PRICKLE2: variants seen among roughly 807,000 people sequenced by gnomAD.
PRICKLE2 encodes the protein prickle-like protein 2.
In PRICKLE2, 21 loss-of-function variants were observed where a neutral mutation model predicts 81.4. The observed-to-expected ratio is 0.26, with a 90% CI of 0.18 to 0.37. The LOEUF is 0.37. PRICKLE2 is among the 10% of genes least tolerant of loss of function. The pLI is 1.00. For synonymous variants in PRICKLE2, 456 were observed against 421.5 expected (o/e 1.08, Z -1.00); for missense variants, 940 against 1,109.0 (o/e 0.85, Z 2.16).
chr3:64,175,338 C>T (rs566919955), intron 2 of PRICKLE2, among the ~76,000 whole-genome samples: 487 of 152,172 alleles, frequency 3.2e-3, no homozygotes, highest in Non-Finnish European at 5.6e-3. Context: ...TGGTTAGTTG[C>T]TAGTGTAAGG....
intron 7 of PRICKLE2, among the ~76,000 whole-genome samples, chr3:64,112,673 A>G (rs2076868792): frequency 6.6e-6 from 1 of 152,254 alleles, no homozygotes; most frequent in African/African-American, 2.4e-5. Context: ...ACCTAATTAA[A>G]CTAAAGAGCT....
chr3:64,187,017 T>C (rs2078246318), intron 2 of PRICKLE2, among the ~76,000 whole-genome samples: 1 of 152,174 alleles, frequency 6.6e-6, no homozygotes, highest in African/African-American at 2.4e-5. Flanking sequence ...GATACCTGTC[T>C]TGAAAGCTAG....
In PRICKLE2 at chr3:64,147,326, GAGGCTGGGT is replaced by G; in HGVS notation, c.1155_1163del (p.Pro386_Leu388del). ...GGCTCCTCCAGATGGGGTCCCGGTT[GAGGCTGGGT>G]GTCTGGCTGGACAGGCTGAGCATGT... On this transcript the variant is annotated inframe_deletion, in exon 7 of 8. Coordinates refer to ENST00000638394, the MANE Select transcript of PRICKLE2 (RefSeq NM_198859.4). The surrounding 1 kb of genome is among the most constrained non-coding windows in gnomAD (Gnocchi z 5.0). The G allele has an allele frequency of 6.2e-7, 1 of 1,614,104 alleles. No homozygotes were observed.
Position 64,099,131 on chromosome 3 carries a change from G to A in PRICKLE2, c.2455C>T (p.Pro819Ser), listed in dbSNP as rs972442832. ...LLHKYSSYGLPKSSTLGGRGQ... is the reference protein window; with the variant it reads ...LLHKYSSYGLSKSSTLGGRGQ... The stretch of plus-strand genomic sequence containing the variant: ...CTGCCACCTAATGTGGAAGATTTGG[G>A]GAGGCCGTAGGAGCTGTATTTGTGC... Residue 819 changes from proline (P) to serine (S), a missense_variant, in exon 8 of 8, where the codon CCC (proline) becomes TCC (serine). Physicochemically the swap from Pro to Ser is moderately conservative, Grantham distance 74 (BLOSUM62 -1). This residue lies in a region of PRICKLE2 where 670 missense variants were observed against 717.2 expected (regional missense o/e 0.93). Transcript: ENST00000638394. The surrounding 1 kb of genome is among the most constrained non-coding windows in gnomAD (Gnocchi z 4.3). 2 of 1,614,188 alleles carry A rather than the reference G, an allele frequency of 1.2e-6. No homozygotes were observed.
Position 64,095,349 on chromosome 3 carries a change from T to C in PRICKLE2, c.*3702A>G, listed in dbSNP as rs929071338. On this transcript the variant is annotated 3_prime_UTR_variant, in exon 8 of 8. Transcript: ENST00000638394. ...TATGCTTCCTAAACTGTTTTTGTTC[T>C]ACGGCAAGAGAACCAAGAGTGGAAA... 1 of 152,222 alleles carries C rather than the reference T, an allele frequency of 6.6e-6. No individual in the cohort carries two copies. The highest frequency in any genetic ancestry group is 6.5e-5 in the Admixed American group (1 of 15,288). 9.4% of individuals were successfully genotyped at this position (152,222 alleles called of 1,614,324 possible). A position where few individuals can be genotyped will look rare whatever the true frequency, so the allele number is the denominator to read the frequency against.
chr3:64,100,844 G>A (rs983389245), intron 7 of PRICKLE2: 2 of 152,208 alleles, frequency 1.3e-5, no homozygotes, highest in Non-Finnish European at 2.9e-5. Flanking sequence ...AATGGGCCAG[G>A]TGGCAAAGTC....
intron 2 of PRICKLE2, among the ~76,000 whole-genome samples, chr3:64,261,654 G>A (rs1318992395): frequency 1.3e-5 from 2 of 152,068 alleles, no homozygotes; most frequent in African/African-American, 4.8e-5. Context: ...AGATCTATGG[G>A]AAGAGCATTC....
intron 2 of PRICKLE2, among the ~76,000 whole-genome samples, chr3:64,243,203 T>C (rs1692959544): frequency 6.6e-6 from 1 of 152,130 alleles, no homozygotes; most frequent in Non-Finnish European, 1.5e-5. Context: ...AAACAGAAAG[T>C]TTCAATGATG....
At chr3:64,193,189 C>T (rs1447142930) in intron 2 of PRICKLE2, among the ~76,000 whole-genome samples, 1 of 152,178 alleles carries the variant, frequency 6.6e-6, no homozygotes, top group African/African-American at 2.4e-5. Flanking sequence ...TAGAGGAAAG[C>T]TGCCAATAAA....
At chr3:64,189,581 G>A (rs2078295572) in intron 2 of PRICKLE2, among the ~76,000 whole-genome samples, 2 of 152,226 alleles carry the variant, frequency 1.3e-5, no homozygotes, top group Admixed American at 1.3e-4. Flanking sequence ...TCTTGGTCAA[G>A]TTTCTGATCC....
At chr3:64,100,093 T>C (rs2106936436) in intron 7 of PRICKLE2, 168 bp from the exon 8 acceptor site, 2 of 664,500 alleles carry the variant, frequency 3.0e-6, no homozygotes, top group Admixed American at 2.6e-5. Flanking sequence ...TTCTCTCCAC[T>C]CCACAGTAGG....
chr3:64,130,980 T>A (rs1308988497), intron 7 of PRICKLE2, among the ~76,000 whole-genome samples: 4 of 152,192 alleles, frequency 2.6e-5, no homozygotes, highest in Non-Finnish European at 4.4e-5. Context: ...AGAGTAAGTG[T>A]GAAGTATTCA....
At chr3:64,139,232 T>C (rs536709756) in intron 7 of PRICKLE2, among the ~76,000 whole-genome samples, 5 of 152,318 alleles carry the variant, frequency 3.3e-5, no homozygotes, top group African/African-American at 1.2e-4. Flanking sequence ...TCAAAGAAGG[T>C]AGGAAGCCCT....
chr3:64,118,579 C>A (rs2076976385), intron 7 of PRICKLE2, among the ~76,000 whole-genome samples: 1 of 152,064 alleles, frequency 6.6e-6, no homozygotes, highest in Non-Finnish European at 1.5e-5. Flanking sequence ...TATATGTGGC[C>A]AGTAATCATG....
intron 7 of PRICKLE2, among the ~76,000 whole-genome samples, chr3:64,142,318 T>C (rs1051190056): frequency 6.6e-6 from 1 of 150,586 alleles, no homozygotes; most frequent in Admixed American, 6.6e-5. Flanking sequence ...TCTTTCTTTT[T>C]TTTTTTTTTT....
rs1214972098 is a variant in PRICKLE2 at position 64,159,979 on chromosome 3, C to T, written c.357G>A (p.Arg119=). The T allele has an allele frequency of 1.2e-6, 2 of 1,614,138 alleles. No homozygotes were observed. Among genetic ancestry groups the T allele is most frequent in the East Asian group, 4.5e-5 (2 of 44,874 alleles). ...CTCCTGTCATGGTGACTGGGAAAGG[C>T]CTGACATTCCCGCGGCCCAAGTTTT... ...KRENLGRGNV[R]PFPVTMTGAI... Residue 119 remains arginine, a synonymous_variant, in exon 4 of 8, where the codon AGG becomes AGA. Transcript: ENST00000638394.
chr3:64,179,977 T>C (rs758766819), intron 2 of PRICKLE2, among the ~76,000 whole-genome samples: 13 of 152,342 alleles, frequency 8.5e-5, no homozygotes, highest in South Asian at 2.1e-4. Context: ...TCACAGTTCA[T>C]TCTTCAAGCT....
intron 2 of PRICKLE2, among the ~76,000 whole-genome samples, chr3:64,267,293 A>T (rs1268128772): frequency 6.6e-6 from 1 of 152,156 alleles, no homozygotes; most frequent in Non-Finnish European, 1.5e-5. Flanking sequence ...ACCTACCCCA[A>T]TTCAGAAAGA....
chr3:64,148,400 C>G (rs555130646), intron 6 of PRICKLE2, among the ~76,000 whole-genome samples: 2 of 152,316 alleles, frequency 1.3e-5, no homozygotes, highest in Admixed American at 1.3e-4. Flanking sequence ...TTCTCTCCCC[C>G]GCTAAAAGTG....
Sources: allele counts gnomAD v4.1 joint callset (sites outside exome capture counted in the v4.1 genomes callset), GRCh38; gene constraint gnomAD v4.1.1; regional missense constraint gnomAD v4.1.1; non-coding constraint Gnocchi (gnomAD v3.1); transcripts MANE v1.5; gene names NCBI Gene and HGNC (gene_info 2026-07-23, HGNC 2026-07-21).